Variants in PHF24 observed in about 807,000 individuals in gnomAD.
The protein encoded by PHF24 is Galpha inhibitory interacting protein.
In PHF24, 25 loss-of-function variants were observed where a neutral mutation model predicts 42.6. The ratio of observed to expected loss-of-function variants is 0.59; its 90% CI spans 0.43 to 0.82. PHF24 has a LOEUF of 0.82. Among genes scored for constraint, PHF24 ranks in the 40% least tolerant of loss-of-function variants. The pLI is 0.00. For synonymous variants in PHF24, 185 were observed against 204.8 expected (o/e 0.90, Z 0.83); for missense variants, 470 against 538.1 (o/e 0.87, Z 1.25).
chr9:34,972,892 G>A (rs568607439), intron 3 of PHF24, among the ~76,000 whole-genome samples: 12 of 133,294 alleles, frequency 9.0e-5, no homozygotes, highest in East Asian at 6.3e-4. Context: ...CCAGCCTGGC[G>A]ACAGAGCGAG....
the PHF24 span, among the ~76,000 whole-genome samples, chr9:34,716,535 T>C: frequency 6.6e-6 from 1 of 151,086 alleles, no homozygotes; most frequent in Non-Finnish European, 1.5e-5. Flanking sequence ...TTAAGTTTTC[T>C]CTCTCTCCTT....
chr9:34,741,210 A>C, the PHF24 span, among the ~76,000 whole-genome samples: 1 of 149,436 alleles, frequency 6.7e-6, no homozygotes, highest in Admixed American at 6.6e-5. Flanking sequence ...TTTGTAAAAA[A>C]AGTTTAGAAA....
the PHF24 span, among the ~76,000 whole-genome samples, chr9:34,728,324 A>G: frequency 1.3e-3 from 205 of 152,364 alleles, 1 homozygote; most frequent in African/African-American, 4.5e-3. Context: ...CATTTTGTGG[A>G]TAAGAATGAG....
the PHF24 span, among the ~76,000 whole-genome samples, chr9:34,896,373 C>T: frequency 1.3e-5 from 2 of 152,186 alleles, no homozygotes; most frequent in South Asian, 2.1e-4. Context: ...AAATAACTTT[C>T]TGAGAGTTAA....
At chr9:34,666,124 T>C in the PHF24 span, 1 of 187,620 alleles carries the variant, frequency 5.3e-6, no homozygotes, top group Non-Finnish European at 1.1e-5. Flanking sequence ...GGTGTTCATG[T>C]CTCCCAGAGG....
the PHF24 span, among the ~76,000 whole-genome samples, chr9:34,749,604 C>CTTT: frequency 0.28 from 40,612 of 143,404 alleles, 6,000 homozygotes; most frequent in Admixed American, 0.34. Flanking sequence ...GTTATTCATT[C>CTTT]TTTTTTTTTT....
exon 8 of PHF24, chr9:34,981,728 C>A (rs1827396301): frequency 1.3e-5 from 2 of 150,604 alleles, no homozygotes; most frequent in South Asian, 4.2e-4. Context: ...AAATAAAATT[C>A]CTATTTTCTT....
chr9:34,704,252 A>G, the PHF24 span, among the ~76,000 whole-genome samples: 6 of 151,734 alleles, frequency 4.0e-5, no homozygotes, highest in Non-Finnish European at 8.8e-5. Flanking sequence ...GCTGGTCTCA[A>G]ACTCCTGGCT....
At chr9:34,799,607 G>A in the PHF24 span, among the ~76,000 whole-genome samples, 1 of 152,146 alleles carries the variant, frequency 6.6e-6, no homozygotes, top group African/African-American at 2.4e-5. Context: ...TGTTCAATCA[G>A]AGTTCTAATT....
At chr9:34,809,043 A>AT in the PHF24 span, among the ~76,000 whole-genome samples, 28 of 101,344 alleles carry the variant, frequency 2.8e-4, no homozygotes, top group African/African-American at 1.1e-3. The surrounding 1 kb of genome is among the most constrained non-coding windows in gnomAD (Gnocchi z 4.1). Flanking sequence ...ATAATAAAAA[A>AT]AAAAAATAAT....
chr9:34,961,679 T>G (rs2132856759), intron 1 of PHF24, among the ~76,000 whole-genome samples: 1 of 152,378 alleles, frequency 6.6e-6, no homozygotes, highest in East Asian at 1.9e-4. Context: ...TGCTGTGCTA[T>G]GCCTCCTCTG....
chr9:34,884,127 G>T, the PHF24 span, among the ~76,000 whole-genome samples: 1 of 152,088 alleles, frequency 6.6e-6, no homozygotes, highest in African/African-American at 2.4e-5. Context: ...AGAAAACCAA[G>T]CACCGCATGT....
the PHF24 span, among the ~76,000 whole-genome samples, chr9:34,779,356 A>G: frequency 6.6e-6 from 1 of 152,186 alleles, no homozygotes; most frequent in African/African-American, 2.4e-5. Context: ...TGCAAAGAAA[A>G]TCTATGTTTT....
the PHF24 span, among the ~76,000 whole-genome samples, chr9:34,774,726 T>C: frequency 2.6e-5 from 4 of 152,148 alleles, no homozygotes; most frequent in South Asian, 2.1e-4. Flanking sequence ...TGAGCAGAGA[T>C]TGTGCCACTG....
the PHF24 span, among the ~76,000 whole-genome samples, chr9:34,803,727 C>T: frequency 2.0e-5 from 3 of 152,182 alleles, no homozygotes; most frequent in Non-Finnish European, 4.4e-5. Flanking sequence ...GCATGTTTTA[C>T]ACTCTTCCTA....
the PHF24 span, among the ~76,000 whole-genome samples, chr9:34,785,730 T>C: frequency 1.3e-5 from 2 of 152,330 alleles, no homozygotes; most frequent in Non-Finnish European, 2.9e-5. Flanking sequence ...TTTTATTGCA[T>C]CCTTCCACCT....
the PHF24 span, among the ~76,000 whole-genome samples, chr9:34,875,940 ACACACACACACTCTCT>A: frequency 0.013 from 1,120 of 89,204 alleles, 15 homozygotes; most frequent in African/African-American, 0.05. Context: ...ACACACACAC[ACACACACACACTCTCT>A]CTCTCTCTCT....
chr9:34,892,182 G>A, the PHF24 span, among the ~76,000 whole-genome samples: 7 of 152,202 alleles, frequency 4.6e-5, no homozygotes, highest in African/African-American at 1.7e-4. Context: ...CCACTTAGAA[G>A]CTGAAAGAGA....
At chr9:34,679,859 G>T in the PHF24 span, among the ~76,000 whole-genome samples, 1 of 152,300 alleles carries the variant, frequency 6.6e-6, no homozygotes, top group Middle Eastern at 3.4e-3. Flanking sequence ...AGATTGCAGT[G>T]CTGGATGACA....
Sources: gnomAD v4.1 joint callset for allele counts (sites outside exome capture counted in the v4.1 genomes callset) on GRCh38, gnomAD v4.1.1 for gene constraint, Gnocchi (gnomAD v3.1) non-coding constraint, MANE v1.5 for transcripts, NCBI Gene and HGNC (gene_info 2026-07-23, HGNC 2026-07-21) for gene names.